The following PXDNL variants were observed in gnomAD, a reference collection of about 807,000 sequenced individuals.
PXDNL encodes peroxidasin like.
In PXDNL, 145 loss-of-function variants were observed where a neutral mutation model predicts 150.8. That is an observed-to-expected ratio of 0.96 (90% CI 0.84 to 1.10). The LOEUF (loss-of-function observed/expected upper bound fraction) is 1.10. Among genes scored for constraint, PXDNL ranks in the 50% least tolerant of loss-of-function variants. PXDNL has a pLI of 0.00. For synonymous variants in PXDNL, 757 were observed against 725.7 expected (o/e 1.04, Z -0.69); for missense variants, 2,087 against 1,873.9 (o/e 1.11, Z -2.10).
intron 1 of PXDNL, among the ~76,000 whole-genome samples, chr8:51,745,615 C>T (rs1005785803): frequency 1.3e-5 from 2 of 152,162 alleles, no homozygotes; most frequent in African/African-American, 2.4e-5. Context: ...CCTTTCAGGC[C>T]GTGACGGTGG....
At chr8:51,478,293 A>G (rs1335855674) in intron 6 of PXDNL, among the ~76,000 whole-genome samples, 1 of 152,230 alleles carries the variant, frequency 6.6e-6, no homozygotes, top group Admixed American at 6.5e-5. Flanking sequence ...ATCAAATATC[A>G]TACCAAGTAT....
intron 1 of PXDNL, among the ~76,000 whole-genome samples, chr8:51,706,140 T>G (rs7387633): frequency 0.94 from 142,424 of 152,196 alleles, 66,744 homozygotes; most frequent in East Asian, 1. Context: ...GTGAAACCCC[T>G]TCTCTACTAA....
intron 8 of PXDNL, among the ~76,000 whole-genome samples, chr8:51,458,593 T>C (rs980979): frequency 0.21 from 31,272 of 152,104 alleles, 4,331 homozygotes; most frequent in African/African-American, 0.39. Flanking sequence ...TTGTCACCCA[T>C]AAAAACATCA....
At chr8:51,597,941 CAACCTCAGG>C (rs750930599) in intron 2 of PXDNL, among the ~76,000 whole-genome samples, 4 of 151,976 alleles carry the variant, frequency 2.6e-5, no homozygotes, top group Non-Finnish European at 5.9e-5. Flanking sequence ...CTCAAACTCC[CAACCTCAGG>C]TGATCCATCT....
At chr8:51,463,142 G>A (rs4873552) in intron 8 of PXDNL, among the ~76,000 whole-genome samples, 36,505 of 151,920 alleles carry the variant, frequency 0.24, 6,646 homozygotes, top group African/African-American at 0.51. Flanking sequence ...TTCTAAACAT[G>A]GAAACAAAAG....
chr8:51,432,184 T>A lies in PXDNL; in HGVS notation c.1526-5426A>T, dbSNP rs541049256. Among the ~76,000 whole-genome samples, 27 of 152,336 alleles carry A rather than the reference T, an allele frequency of 1.8e-4. 2 individuals carry two copies. The East Asian group carries it at 5.0e-3, about 28-fold the overall frequency. On this transcript the variant is annotated intron_variant, in intron 12 of 22. Transcript: ENST00000356297. The stretch of plus-strand genomic sequence containing the variant: ...GGTGATGTAAAGATGTAATTTCACC[T>A]TCTCCCTGTGGATAATGAGTTGCCC...
chr8:51,511,486 G>C (rs1253317794), intron 4 of PXDNL, among the ~76,000 whole-genome samples: 1 of 152,176 alleles, frequency 6.6e-6, no homozygotes, highest in Non-Finnish European at 1.5e-5. Context: ...GGACAACTTG[G>C]TTGGTGCTGA....
At chr8:51,327,793 A>C (rs1448512671) in intron 21 of PXDNL, among the ~76,000 whole-genome samples, 3 of 152,234 alleles carry the variant, frequency 2.0e-5, no homozygotes, top group Non-Finnish European at 2.9e-5. Context: ...CATCCTCACG[A>C]CAAGAAAAAT....
chr8:51,571,278 T>C (rs1812938197), intron 3 of PXDNL, among the ~76,000 whole-genome samples: 1 of 151,870 alleles, frequency 6.6e-6, no homozygotes, highest in Non-Finnish European at 1.5e-5. Context: ...CATTTATTCA[T>C]TTTGGAAATA....
intron 9 of PXDNL, among the ~76,000 whole-genome samples, chr8:51,455,282 A>AGAGGGT (rs1189028288): frequency 4.6e-5 from 7 of 152,072 alleles, no homozygotes; most frequent in Non-Finnish European, 1.0e-4. Flanking sequence ...GAGTAGCACT[A>AGAGGGT]GAGGGTGAAT....
intron 19 of PXDNL, among the ~76,000 whole-genome samples, chr8:51,351,468 G>T (rs1457635032): frequency 6.6e-6 from 1 of 152,176 alleles, no homozygotes; most frequent in Non-Finnish European, 1.5e-5. Context: ...GAAAAGTAGG[G>T]TGAGGGGCAT....
intron 17 of PXDNL, among the ~76,000 whole-genome samples, chr8:51,403,598 C>T (rs1369616654): frequency 6.6e-6 from 1 of 152,146 alleles, no homozygotes; most frequent in East Asian, 1.9e-4. Flanking sequence ...TCACACGGGC[C>T]CTGGTGCCAG....
chr8:51,700,783 CA>C (rs1816242676), intron 1 of PXDNL, among the ~76,000 whole-genome samples: 1 of 151,824 alleles, frequency 6.6e-6, no homozygotes, highest in Admixed American at 6.6e-5. Context: ...CACATACACA[CA>C]TATAAACACA....
chr8:51,561,028 A>C (rs1382681961), intron 3 of PXDNL, among the ~76,000 whole-genome samples: 2 of 151,990 alleles, frequency 1.3e-5, no homozygotes, highest in African/African-American at 2.4e-5. Context: ...GAATTCACTA[A>C]TCATTAGTGA....
chr8:51,571,959 T>C (rs1383797043), intron 3 of PXDNL, among the ~76,000 whole-genome samples: 1 of 151,904 alleles, frequency 6.6e-6, no homozygotes, highest in African/African-American at 2.4e-5. Flanking sequence ...TTATTTACAA[T>C]GGTTTCCCTT....
chr8:51,478,778 T>C (rs895804714), intron 6 of PXDNL, among the ~76,000 whole-genome samples: 6 of 152,196 alleles, frequency 3.9e-5, no homozygotes, highest in Non-Finnish European at 5.9e-5. Flanking sequence ...TCTCCTGTAT[T>C]CTGTTGTTCT....
intron 12 of PXDNL, among the ~76,000 whole-genome samples, chr8:51,428,420 A>G (rs1477062992): frequency 6.6e-6 from 1 of 152,250 alleles, no homozygotes; most frequent in South Asian, 2.1e-4. Context: ...TTTTGACAAA[A>G]AAGAATAAAG....
At chr8:51,716,187 A>G (rs1053313190) in intron 1 of PXDNL, among the ~76,000 whole-genome samples, 1 of 152,214 alleles carries the variant, frequency 6.6e-6, no homozygotes, top group Non-Finnish European at 1.5e-5. Context: ...TGCTTTCAAA[A>G]CATTGAATTC....
At chr8:51,760,845 CTTTTTTTTTTTTTTTT>C (rs71237237) in intron 1 of PXDNL, among the ~76,000 whole-genome samples, 7 of 45,476 alleles carry the variant, frequency 1.5e-4, no homozygotes, top group Admixed American at 3.7e-4. Flanking sequence ...ATCACTTAAA[CTTTTTTTTTTTTTTTT>C]TTTTTTTTTT....
Sources: allele counts gnomAD v4.1 joint callset (sites outside exome capture counted in the v4.1 genomes callset), GRCh38; gene constraint gnomAD v4.1.1; transcripts MANE v1.5; gene names NCBI Gene and HGNC (gene_info 2026-07-23, HGNC 2026-07-21).